The following TUBAL3 variants were observed in gnomAD, a reference collection of about 807,000 sequenced individuals.
TUBAL3 encodes tubulin alpha chain-like 3.
A neutral mutation model predicts 15.5 loss-of-function variants in TUBAL3; 16 were observed. That is an observed-to-expected ratio of 1.04 (90% CI 0.70 to 1.57). TUBAL3 has a LOEUF of 1.57. Ranked by LOEUF, TUBAL3 falls within the 40% of genes most tolerant of loss-of-function variation. The pLI is 0.00. For missense variants in TUBAL3, 609 were observed against 576.2 expected (o/e 1.06, Z -0.58); for synonymous variants, 238 against 224.3 (o/e 1.06, Z -0.55).
In TUBAL3 at chr10:5,395,023, G is replaced by C. The variant is rs1216684535; in HGVS notation, c.396+304C>G. On this transcript the variant is annotated intron_variant, in intron 3 of 3. Coordinates refer to ENST00000380419, the MANE Select transcript of TUBAL3 (RefSeq NM_024803.3). This position sits in a 1 kb window ranked among gnomAD's most constrained non-coding sequence, Gnocchi z 4.6. ...GAAAATGACAGGTTACTCTTGGAAA[G>C]TGACAGGTTTTAGAGTGCTATGGGA... Among the ~76,000 whole-genome samples the C allele has an allele frequency of 2.0e-5, 3 of 152,200 alleles. No homozygotes were observed. Among genetic ancestry groups the C allele is most frequent in the Non-Finnish European group, 2.9e-5 (2 of 68,046 alleles).
intron 1 of TUBAL3, among the ~76,000 whole-genome samples, chr10:5,401,942 A>G (rs1481884171): frequency 3.3e-5 from 5 of 152,320 alleles, no homozygotes; most frequent in African/African-American, 1.2e-4. Context: ...AGGATGTTAC[A>G]TCAACACAAT....
At chr10:5,404,767 T>C in intron 1 of TUBAL3, 23 bp downstream of exon 1, 1 of 1,613,234 alleles carries the variant, frequency 6.2e-7, no homozygotes, top group Non-Finnish European at 8.5e-7. Flanking sequence ...CCTACAACAA[T>C]GCATAGGCGT....
Position 5,395,445 on chromosome 10 carries a change from A to G in TUBAL3, c.278T>C (p.Leu93Pro), listed in dbSNP as rs1554814046. 6.3e-7 allele frequency: 1 copy of G among 1,597,476 alleles called. No homozygotes were observed. The highest frequency in any genetic ancestry group is 8.5e-7 in the Non-Finnish European group (1 of 1,169,764). The change falls in exon 3 of 4, where the codon CTC (leucine) becomes CCC (proline). Residue 93 changes from leucine (L) to proline (P), a missense_variant. Leu to Pro is a moderately conservative substitution (Grantham distance 98, BLOSUM62 -3). Transcript: ENST00000380419. This position sits in a 1 kb window ranked among gnomAD's most constrained non-coding sequence, Gnocchi z 4.6. The part of the protein sequence containing the change: ...DGIRTGQHRS[L>P]FHPEQLLSGK... ...GCTAAGGAGCTGCTCGGGGTGGAAGAGTGAACGGTGCTGGCCCGTCCGGAT... is the reference window on the plus strand; with the variant it reads ...GCTAAGGAGCTGCTCGGGGTGGAAGGGTGAACGGTGCTGGCCCGTCCGGAT...
rs1744522089 is a variant in TUBAL3, at chr10:5,395,129, AG to A, written c.396+197del. ...CAGGGGACCCCCCAGTAAGTATAAA[AG>A]TTTCTGTCTCCTTCCTAGTAACAAG... On this transcript the variant is annotated intron_variant, in intron 3 of 3. Coordinates refer to ENST00000380419, the MANE Select transcript of TUBAL3 (RefSeq NM_024803.3). This position sits in a 1 kb window ranked among gnomAD's most constrained non-coding sequence, Gnocchi z 4.6. Among the ~76,000 whole-genome samples the A allele has an allele frequency of 6.6e-6, 1 of 152,184 alleles. No homozygotes were observed. The highest frequency in any genetic ancestry group is 6.5e-5 in the Admixed American group (1 of 15,282).
In TUBAL3 at chr10:5,397,486, G is replaced by T. The variant is rs1554814262; in HGVS notation, c.248-2011C>A. 6.6e-6 allele frequency among the ~76,000 whole-genome samples: 1 copy of T among 152,154 alleles called. No homozygotes were observed. The highest frequency in any genetic ancestry group is 1.9e-4 in the East Asian group (1 of 5,194). On this transcript the variant is annotated intron_variant, in intron 2 of 3. Transcript: ENST00000380419. The surrounding 1 kb of genome is among the most constrained non-coding windows in gnomAD (Gnocchi z 4.9). ...CGGAAGCTTCCTTCTTCATGACAAT[G>T]TTGAGTCGGGATCTTGAGGGTCAAT...
In TUBAL3 at chr10:5,393,403, T is replaced by G; in HGVS notation, c.*114A>C. 1 of 895,812 alleles carries G rather than the reference T, an allele frequency of 1.1e-6. No homozygotes were observed. The highest frequency in any genetic ancestry group is 1.7e-6 in the Non-Finnish European group (1 of 598,946). The allele number at this position is 895,812 out of a possible 1,614,324, so 55.5% of individuals were successfully genotyped here. On this transcript the variant is annotated 3_prime_UTR_variant, in exon 4 of 4. Transcript: ENST00000380419. ...TTAGTGTGGAACCTAGAGTCTTGCC[T>G]GATTTGAGTTCATTTTTCTGCTCAT...
Position 5,397,596 on chromosome 10 carries a change from C to A in TUBAL3, c.248-2121G>T, listed in dbSNP as rs1588413263. Among the ~76,000 whole-genome samples, 1 of 152,148 alleles carries A rather than the reference C, an allele frequency of 6.6e-6. No individual in the cohort carries two copies. The highest frequency in any genetic ancestry group is 6.5e-5 in the Admixed American group (1 of 15,272). ...GCCGTTCATAAGTAATCCATGCCATCCACTCTAACTTCCCGGGCACAGGTT... is the reference window on the plus strand; with the variant it reads ...GCCGTTCATAAGTAATCCATGCCATACACTCTAACTTCCCGGGCACAGGTT... On this transcript the variant is annotated intron_variant, in intron 2 of 3. Transcript: ENST00000380419. This position sits in a 1 kb window ranked among gnomAD's most constrained non-coding sequence, Gnocchi z 4.9.
chr10:5,393,863 G>A lies in TUBAL3; in HGVS notation c.995C>T (p.Pro332Leu), dbSNP rs372651229. 4 of 1,614,014 alleles carry A rather than the reference G, an allele frequency of 2.5e-6. No homozygotes were observed. The highest frequency in any genetic ancestry group is 2.7e-5 in the African/African-American group (2 of 74,866). Residue 332 changes from proline to leucine, a missense_variant, in exon 4 of 4, where the codon CCC (proline) becomes CTC (leucine). By Grantham distance (98) the Pro-to-Leu change is moderately conservative (BLOSUM62 -3). Transcript: ENST00000380419. The stretch of plus-strand genomic sequence containing the variant: ...TGCGATTGCTGCATTCACTTCCTTG[G>A]GGACCACATCCCCTCTATAGAGTAG... The part of the protein sequence containing the change: ...CCLLYRGDVV[P>L]KEVNAAIAAT...
At chr10:5,401,672 A>T (rs1384000977) in intron 1 of TUBAL3, among the ~76,000 whole-genome samples, 2 of 152,178 alleles carry the variant, frequency 1.3e-5, no homozygotes, top group African/African-American at 2.4e-5. Context: ...AATGCAATAG[A>T]TTTAACAGTT....
In TUBAL3 at chr10:5,395,473, C is replaced by G; in HGVS notation, c.250G>C (p.Gly84Arg). The G allele has an allele frequency of 6.6e-7, 1 of 1,520,718 alleles. No individual in the cohort carries two copies. Among genetic ancestry groups the G allele is most frequent in the Non-Finnish European group, 8.9e-7 (1 of 1,123,666 alleles). 94.2% of individuals were successfully genotyped at this position (1,520,718 alleles called of 1,614,324 possible). Reference sequence around the variant, plus strand: ...GAACGGTGCTGGCCCGTCCGGATCCCATCTGCAGAGGGTGAAAGGAGGTCA... The same window carrying G: ...GAACGGTGCTGGCCCGTCCGGATCCGATCTGCAGAGGGTGAAAGGAGGTCA... ...FVDLEPTVID[G>R]IRTGQHRSLF... Residue 84 changes from glycine to arginine, a missense_variant and splice_region_variant, in exon 3 of 4, where the codon GGG (glycine) becomes CGG (arginine). Transcript: ENST00000380419. This position sits in a 1 kb window ranked among gnomAD's most constrained non-coding sequence, Gnocchi z 4.6.
rs781923152 is a variant in TUBAL3, at chr10:5,394,100, C to T, written c.758G>A (p.Gly253Glu). ...TTCAATTAGGTCTACATTCAAGGGC[C>T]CTTCAAACCGGAGGGAGGCAGTGAT... is the stretch of plus-strand genomic sequence containing the variant. ...SSITASLRFE[G>E]PLNVDLIEFQ... Residue 253 changes from glycine (G) to glutamate (E), a missense_variant, in exon 4 of 4, where the codon GGG becomes GAG. Gly to Glu is a moderately conservative substitution (Grantham distance 98). Coordinates refer to ENST00000380419, the MANE Select transcript of TUBAL3 (RefSeq NM_024803.3). This position sits in a 1 kb window ranked among gnomAD's most constrained non-coding sequence, Gnocchi z 4.3. The T allele has an allele frequency of 1.9e-6, 3 of 1,614,058 alleles. No homozygotes were observed. Among genetic ancestry groups the T allele is most frequent in the Non-Finnish European group, 2.5e-6 (3 of 1,180,044 alleles).
In TUBAL3 at chr10:5,394,574, G is replaced by T; in HGVS notation, c.397-113C>A. 1.1e-6 allele frequency: 1 copy of T among 947,636 alleles called. No homozygotes were observed. Among genetic ancestry groups the T allele is most frequent in the Non-Finnish European group, 1.5e-6 (1 of 649,640 alleles). 58.7% of individuals were successfully genotyped at this position (947,636 alleles called of 1,614,324 possible). A position where few individuals can be genotyped will look rare whatever the true frequency, so the allele number is the denominator to read the frequency against. On this transcript the variant is annotated intron_variant, in intron 3 of 3. Coordinates refer to ENST00000380419, the MANE Select transcript of TUBAL3 (RefSeq NM_024803.3). This position sits in a 1 kb window ranked among gnomAD's most constrained non-coding sequence, Gnocchi z 4.3. Reference sequence around the variant, plus strand: ...CCCCAAAACAAAATCTTTCAGAAAGGACTCCTTTGCCTTTGTTAACTCCAC... The same window carrying T: ...CCCCAAAACAAAATCTTTCAGAAAGTACTCCTTTGCCTTTGTTAACTCCAC...
In TUBAL3 at chr10:5,396,084, A is replaced by T. The variant is rs920271493; in HGVS notation, c.248-609T>A. 2.2e-4 allele frequency among the ~76,000 whole-genome samples: 33 copies of T among 152,334 alleles called. No homozygotes were observed. The highest frequency in any genetic ancestry group is 7.9e-4 in the African/African-American group (33 of 41,576). ...AGACCCTGTTTCCAAATAAAGTCAC[A>T]TTCTGGGATTGCAGATGGGTATGAA... On this transcript the variant is annotated intron_variant, in intron 2 of 3. Transcript: ENST00000380419. The surrounding 1 kb of genome is among the most constrained non-coding windows in gnomAD (Gnocchi z 5.1).
chr10:5,395,354 G>C lies in TUBAL3; in HGVS notation c.369C>G (p.Asp123Glu), dbSNP rs1339229862. The change falls in exon 3 of 4, where the codon GAC (aspartate) becomes GAG (glutamate). Residue 123 changes from aspartate to glutamate, a missense_variant. Transcript: ENST00000380419. The surrounding 1 kb of genome is among the most constrained non-coding windows in gnomAD (Gnocchi z 4.6). ...GRYSVGSEVI[D>E]LVLERTRKLA... ...GCTTCCGGGTCCTCTCCAGCACAAG[G>C]TCGATGACCTCCGACCCCACAGAGT... 1.3e-6 allele frequency: 2 copies of C among 1,587,296 alleles called. No homozygotes were observed. The highest frequency in any genetic ancestry group is 1.7e-6 in the Non-Finnish European group (2 of 1,163,062).
chr10:5,399,807 G>T (rs1831822664), intron 2 of TUBAL3, among the ~76,000 whole-genome samples: 1 of 152,174 alleles, frequency 6.6e-6, no homozygotes, highest in African/African-American at 2.4e-5. Context: ...GGATGCCCCA[G>T]TTCCCACTTG....
chr10:5,397,455 A>G lies in TUBAL3; in HGVS notation c.248-1980T>C, dbSNP rs551638312. Among the ~76,000 whole-genome samples the G allele has an allele frequency of 2.2e-4, 33 of 152,310 alleles. No homozygotes were observed. The highest frequency in any genetic ancestry group is 7.5e-4 in the African/African-American group (31 of 41,560). On this transcript the variant is annotated intron_variant, in intron 2 of 3. Transcript: ENST00000380419. This position sits in a 1 kb window ranked among gnomAD's most constrained non-coding sequence, Gnocchi z 4.9. ...AAGGCTGCATTCAGGCTAAGAAGGTAATTTACGGAAGCTTCCTTCTTCATG... is the reference window on the plus strand; with the variant it reads ...AAGGCTGCATTCAGGCTAAGAAGGTGATTTACGGAAGCTTCCTTCTTCATG...
In TUBAL3 at chr10:5,395,559, C is replaced by T. The variant is rs1013848233; in HGVS notation, c.248-84G>A. The stretch of plus-strand genomic sequence containing the variant: ...GCTGCTAGTCCTCCTGGAGCCTCCC[C>T]GTACTTGACTCCCATGCTTTCTCTC... On this transcript the variant is annotated intron_variant, in intron 2 of 3. Coordinates refer to ENST00000380419, the MANE Select transcript of TUBAL3 (RefSeq NM_024803.3). This position sits in a 1 kb window ranked among gnomAD's most constrained non-coding sequence, Gnocchi z 4.6. 2.1e-5 allele frequency: 27 copies of T among 1,303,700 alleles called. No homozygotes were observed. Among genetic ancestry groups the T allele is most frequent in the East Asian group, 1.7e-4 (6 of 35,956 alleles). The allele number at this position is 1,303,700 out of a possible 1,614,324, so 80.8% of individuals were successfully genotyped here. A position where few individuals can be genotyped will look rare whatever the true frequency, so the allele number is the denominator to read the frequency against.
rs1554813762 is a variant in TUBAL3, at chr10:5,393,816, C to T, written c.1042G>A (p.Val348Ile). The T allele has an allele frequency of 1.2e-6, 2 of 1,614,108 alleles. No homozygotes were observed. The highest frequency in any genetic ancestry group is 1.7e-5 in the Admixed American group (1 of 60,016). The change falls in exon 4 of 4, where the codon GTT (valine) becomes ATT (isoleucine). Residue 348 changes from valine (V) to isoleucine (I), a missense_variant. By Grantham distance (29) the Val-to-Ile change is conservative. Transcript: ENST00000380419. ...GTTGGACACCAATCTACAAACTGAA[C>T]AGAGTGCCTCGACTTCGTGGCTGCG... The part of the protein sequence containing the change: ...AIAATKSRHS[V>I]QFVDWCPTGF...
In TUBAL3 at chr10:5,395,466, C is replaced by T. The variant is rs1554814054; in HGVS notation, c.257G>A (p.Arg86Gln). ...DLEPTVIDGI[R>Q]TGQHRSLFHP... Reference sequence around the variant, plus strand: ...GAAGAGTGAACGGTGCTGGCCCGTCCGGATCCCATCTGCAGAGGGTGAAAG... The same window carrying T: ...GAAGAGTGAACGGTGCTGGCCCGTCTGGATCCCATCTGCAGAGGGTGAAAG... Residue 86 changes from arginine (R) to glutamine (Q), a missense_variant, in exon 3 of 4, where the codon CGG (arginine) becomes CAG (glutamine). By Grantham distance (43) the Arg-to-Gln change is conservative. Transcript: ENST00000380419. The surrounding 1 kb of genome is among the most constrained non-coding windows in gnomAD (Gnocchi z 4.6). 18 of 1,538,110 alleles carry T rather than the reference C, an allele frequency of 1.2e-5. No homozygotes were observed. Among genetic ancestry groups the T allele is most frequent in the Admixed American group, 5.6e-5 (3 of 53,852 alleles).
Sources: gnomAD v4.1 joint callset for allele counts (sites outside exome capture counted in the v4.1 genomes callset) on GRCh38, gnomAD v4.1.1 for gene constraint, Gnocchi (gnomAD v3.1) non-coding constraint, MANE v1.5 for transcripts, NCBI Gene and HGNC (gene_info 2026-07-23, HGNC 2026-07-21) for gene names.